Variants in ADGB observed in about 807,000 individuals in gnomAD.
ADGB encodes androglobin, also known as calpain-7-like protein.
Under a neutral mutation model 210.5 loss-of-function variants are expected in ADGB, and 172 were observed. That is an observed-to-expected ratio of 0.82 (90% CI 0.72 to 0.93). ADGB has a LOEUF of 0.93. ADGB is among the 40% of genes least tolerant of loss of function. ADGB has a pLI of 0.00. For synonymous variants in ADGB, 658 were observed against 662.7 expected (o/e 0.99, Z 0.11); for missense variants, 2,025 against 1,964.8 (o/e 1.03, Z -0.58).
chr6:146,721,523 A>G lies in ADGB; in HGVS notation c.2095+18A>G. ...GTATGGAGGTAAGAGGGCTCTGAGA[A>G]AATGATAGCCTTAAAGCCTAGATCA... On this transcript the variant is annotated intron_variant, in intron 17 of 35. Transcript: ENST00000397944. The G allele has an allele frequency of 6.7e-7, 1 of 1,488,772 alleles. No individual in the cohort carries two copies. Among genetic ancestry groups the G allele is most frequent in the East Asian group, 2.5e-5 (1 of 40,598 alleles). 92.2% of individuals were successfully genotyped at this position (1,488,772 alleles called of 1,614,324 possible).
At chr6:146,750,322 C>T (rs2114609901) in intron 26 of ADGB, among the ~76,000 whole-genome samples, 1 of 152,218 alleles carries the variant, frequency 6.6e-6, no homozygotes, top group Middle Eastern at 3.4e-3. Flanking sequence ...CTTTACAAGG[C>T]TGAGGCAGGA....
At chr6:146,803,821 A>T in intron 35 of ADGB, 1 of 440,472 alleles carries the variant, frequency 2.3e-6, no homozygotes, top group South Asian at 3.6e-5. Flanking sequence ...GCCGAGTCCC[A>T]CTCAGGGCCA....
chr6:146,715,282 C>A, intron 13 of ADGB, 100 bp from the exon 14 acceptor site: 1 of 1,070,898 alleles, frequency 9.3e-7, no homozygotes, highest in Non-Finnish European at 1.3e-6. Context: ...TCTATTTCTT[C>A]AAAGTTTAAA....
chr6:146,734,120 C>T (rs1422925188), intron 22 of ADGB, 90 bp downstream of exon 22: 2 of 1,241,712 alleles, frequency 1.6e-6, no homozygotes, highest in Non-Finnish European at 2.2e-6. Context: ...GAGTCCCCCA[C>T]TTTATGGCTA....
intron 22 of ADGB, among the ~76,000 whole-genome samples, chr6:146,735,422 T>G (rs935475291): frequency 6.6e-6 from 1 of 152,130 alleles, no homozygotes; most frequent in African/African-American, 2.4e-5. Context: ...AAAGGAGGGA[T>G]AGAGAGAGCC....
At chr6:146,645,832 C>T (rs1562263452) in intron 3 of ADGB, among the ~76,000 whole-genome samples, 1 of 151,560 alleles carries the variant, frequency 6.6e-6, no homozygotes, top group Non-Finnish European at 1.5e-5. Flanking sequence ...TTTTTGAATG[C>T]CTACTTATAA....
At chr6:146,670,743 CT>C (rs1775995082) in intron 7 of ADGB, among the ~76,000 whole-genome samples, 1 of 152,102 alleles carries the variant, frequency 6.6e-6, no homozygotes, top group Non-Finnish European at 1.5e-5. Flanking sequence ...AATGTAGTGC[CT>C]TCTGTGTTTA....
intron 16 of ADGB, among the ~76,000 whole-genome samples, chr6:146,718,499 C>A (rs1776769197): frequency 6.6e-6 from 1 of 152,110 alleles, no homozygotes; most frequent in Non-Finnish European, 1.5e-5. Flanking sequence ...AGAGCTGTAT[C>A]TTTTTGTTTA....
At chr6:146,599,879 C>T (rs74827579) in intron 1 of ADGB, among the ~76,000 whole-genome samples, 233 of 152,218 alleles carry the variant, frequency 1.5e-3, no homozygotes, top group Non-Finnish European at 2.5e-3. Context: ...CCCAGCTGCC[C>T]GCCCTGCTTC....
rs976233352 is a variant in ADGB, at chr6:146,768,919, T to C, written c.3751-101T>C. 16 of 544,790 alleles carry C rather than the reference T, an allele frequency of 2.9e-5. No homozygotes were observed. The Admixed American group carries it at 4.5e-4, about 15-fold the overall frequency. 33.7% of individuals were successfully genotyped at this position (544,790 alleles called of 1,614,324 possible). A position where few individuals can be genotyped will look rare whatever the true frequency, so the allele number is the denominator to read the frequency against. ...TTAACTAAATTATGACTGTCTGATC[T>C]GGAAAATTCTGCATTTATCATGTAC... On this transcript the variant is annotated intron_variant, in intron 28 of 35. Transcript: ENST00000397944.
intron 13 of ADGB, among the ~76,000 whole-genome samples, chr6:146,714,214 A>G (rs1214709108): frequency 6.6e-6 from 1 of 152,224 alleles, no homozygotes; most frequent in Admixed American, 6.5e-5. Context: ...GAAGCAGCTC[A>G]ATGGCATGGC....
rs180693631 is a variant in ADGB, at chr6:146,807,409, T to C, written c.4818+5398T>C. The stretch of plus-strand genomic sequence containing the variant: ...GGTTTTGCTTTGGAACAGGACTCCT[T>C]AGATGAAGCCCGACAGAAAATTTTC... On this transcript the variant is annotated intron_variant, in intron 35 of 35. Coordinates refer to ENST00000397944, the MANE Select transcript of ADGB (RefSeq NM_024694.4). 9,116 of 1,551,364 alleles carry C rather than the reference T, an allele frequency of 5.9e-3. 37 individuals are homozygous for C. The highest frequency in any genetic ancestry group is 0.012 in the Middle Eastern group (73 of 5,990).
Position 146,642,006 on chromosome 6 carries a change from C to T in ADGB, c.238-2767C>T, listed in dbSNP as rs140045132. Among the ~76,000 whole-genome samples, 390 of 152,168 alleles carry T rather than the reference C, an allele frequency of 2.6e-3. 6 individuals are homozygous for T. The Middle Eastern group carries it at 0.027, about 11-fold the overall frequency. On this transcript the variant is annotated intron_variant, in intron 2 of 35. Coordinates refer to ENST00000397944, the MANE Select transcript of ADGB (RefSeq NM_024694.4). ...GAGAAAATATTTGCAAACTGTACAT[C>T]TGACCAAGGTCTAATATCCAGTATT... is the stretch of plus-strand genomic sequence containing the variant.
chr6:146,767,373 CAA>C (rs1777591646), intron 28 of ADGB, among the ~76,000 whole-genome samples: 1 of 152,164 alleles, frequency 6.6e-6, no homozygotes, highest in Non-Finnish European at 1.5e-5. Flanking sequence ...GCAAGATTGC[CAA>C]AGACATTAAT....
At chr6:146,778,765 G>A (rs1406936381) in intron 29 of ADGB, among the ~76,000 whole-genome samples, 1 of 152,088 alleles carries the variant, frequency 6.6e-6, no homozygotes, top group East Asian at 1.9e-4. Context: ...CACTATCCCA[G>A]GACCCTATCT....
rs374313411 is a variant in ADGB at position 146,813,027 on chromosome 6, G to A, written c.4819-2005G>A. On this transcript the variant is annotated intron_variant, in intron 35 of 35. Coordinates refer to ENST00000397944, the MANE Select transcript of ADGB (RefSeq NM_024694.4). ...GATCTGAGATTTTTATTTTCCTTTAGAGTTGTAATCATCAAAATATGGCCT... is the reference window on the plus strand; with the variant it reads ...GATCTGAGATTTTTATTTTCCTTTAAAGTTGTAATCATCAAAATATGGCCT... Among the ~76,000 whole-genome samples, 29 of 152,194 alleles carry A rather than the reference G, an allele frequency of 1.9e-4. 2 individuals are homozygous for A. Among genetic ancestry groups the A allele is most frequent in the Admixed American group, 1.5e-3 (23 of 15,284 alleles).
At chr6:146,683,805 A>G (rs1273655152) in intron 9 of ADGB, among the ~76,000 whole-genome samples, 1 of 152,132 alleles carries the variant, frequency 6.6e-6, no homozygotes, top group Non-Finnish European at 1.5e-5. Flanking sequence ...TAAGGAAAAT[A>G]AAAGTTCAAA....
rs193142094 is a variant in ADGB, at chr6:146,696,209, G to T, written c.1577+3294G>T. ...TCCTGCATCAGCCTCCCAAGTAGCT[G>T]GGATTGCAGGTGTGTGCCACCACAC... On this transcript the variant is annotated intron_variant, in intron 12 of 35. Coordinates refer to ENST00000397944, the MANE Select transcript of ADGB (RefSeq NM_024694.4). Among the ~76,000 whole-genome samples, 432 of 152,000 alleles carry T rather than the reference G, an allele frequency of 2.8e-3. 2 individuals are homozygous for T. Among genetic ancestry groups the T allele is most frequent in the African/African-American group, 9.6e-3 (398 of 41,458 alleles).
chr6:146,660,123 A>T (rs1276447618), intron 5 of ADGB, among the ~76,000 whole-genome samples: 1 of 152,060 alleles, frequency 6.6e-6, no homozygotes, highest in Non-Finnish European at 1.5e-5. Flanking sequence ...TCCACTTCCC[A>T]TGCCCCACTC....
Sources: allele counts gnomAD v4.1 joint callset (sites outside exome capture counted in the v4.1 genomes callset), GRCh38; gene constraint gnomAD v4.1.1; transcripts MANE v1.5; gene names NCBI Gene and HGNC (gene_info 2026-07-23, HGNC 2026-07-21).